Variants in SPOCK3 observed in about 807,000 individuals in gnomAD.
SPOCK3 encodes SPARC (osteonectin), cwcv and kazal like domains proteoglycan 3.
A neutral mutation model predicts 56.6 loss-of-function variants in SPOCK3; 30 were observed. The observed-to-expected ratio is 0.53, with a 90% CI of 0.40 to 0.72. The LOEUF (loss-of-function observed/expected upper bound fraction) is 0.72. Among genes scored for constraint, SPOCK3 ranks in the 30% least tolerant of loss-of-function variants. The pLI is 0.00. For missense variants in SPOCK3, 527 were observed against 530.0 expected (o/e 0.99, Z 0.06); for synonymous variants, 196 against 183.3 (o/e 1.07, Z -0.56).
At chr4:166,809,145 A>T (rs995841933) in intron 6 of SPOCK3, among the ~76,000 whole-genome samples, 1 of 152,034 alleles carries the variant, frequency 6.6e-6, no homozygotes, top group Non-Finnish European at 1.5e-5. Context: ...AAAATAAATA[A>T]GTGGATATTA....
Position 167,121,008 on chromosome 4 carries a change from C to A in SPOCK3, c.190-58471G>T, listed in dbSNP as rs1052190219. Among the ~76,000 whole-genome samples the A allele has an allele frequency of 8.6e-5, 13 of 151,876 alleles. No individual in the cohort carries two copies. The East Asian group carries it at 2.5e-3, about 30-fold the overall frequency. On this transcript the variant is annotated intron_variant, in intron 2 of 10. Coordinates refer to ENST00000357545, the MANE Select transcript of SPOCK3 (RefSeq NM_001040159.2). ...CTAACTCCACTGGATTACTAGTACT[C>A]CTTATCATTCAGTGGATTTTGATAG...
chr4:166,895,619 AAATT>A (rs1419786956), intron 5 of SPOCK3, among the ~76,000 whole-genome samples: 9 of 152,338 alleles, frequency 5.9e-5, no homozygotes, highest in Middle Eastern at 3.4e-3. Context: ...TTACATAACT[AAATT>A]GTTACATTAA....
intron 2 of SPOCK3, among the ~76,000 whole-genome samples, chr4:167,180,212 G>A (rs185075362): frequency 6.6e-6 from 1 of 152,202 alleles, no homozygotes; most frequent in Non-Finnish European, 1.5e-5. Context: ...ACCACTCAGG[G>A]TCTTAAAAAA....
chr4:167,013,974 G>A (rs1451545937), intron 3 of SPOCK3, among the ~76,000 whole-genome samples: 6 of 152,156 alleles, frequency 3.9e-5, no homozygotes, highest in Non-Finnish European at 1.5e-5. Context: ...TTGAAAAGAT[G>A]TGTATGTAAC....
rs199748178 is a variant in SPOCK3, at chr4:167,125,204, T to TG, written c.190-62668_190-62667insC. On this transcript the variant is annotated intron_variant, in intron 2 of 10. Transcript: ENST00000357545. ...AGCACAGAGATTTTTTATTTATTTA[T>TG]TTATTTATTTATTTATTTATTTATT... Among the ~76,000 whole-genome samples the TG allele has an allele frequency of 5.2e-3, 770 of 147,456 alleles. 1 individual carries two copies. The highest frequency in any genetic ancestry group is 0.02 in the South Asian group (96 of 4,778).
intron 7 of SPOCK3, among the ~76,000 whole-genome samples, chr4:166,771,382 T>A (rs1738910125): frequency 6.6e-6 from 1 of 152,074 alleles, no homozygotes; most frequent in Non-Finnish European, 1.5e-5. Context: ...TATCTTTGAA[T>A]TTCAAGGTAA....
chr4:166,909,991 G>C (rs1380792028), intron 5 of SPOCK3, among the ~76,000 whole-genome samples: 3 of 151,870 alleles, frequency 2.0e-5, no homozygotes, highest in African/African-American at 4.8e-5. Flanking sequence ...TCTTATGAGG[G>C]GGGAACAAAA....
chr4:167,196,543 T>C (rs72701406), intron 2 of SPOCK3, among the ~76,000 whole-genome samples: 9,392 of 152,144 alleles, frequency 0.062, 308 homozygotes, highest in Admixed American at 0.086. Flanking sequence ...TAGAGTGCCT[T>C]ACTGAATTTA....
intron 4 of SPOCK3, among the ~76,000 whole-genome samples, chr4:166,924,017 G>A (rs1364455480): frequency 6.6e-6 from 1 of 152,176 alleles, no homozygotes; most frequent in Non-Finnish European, 1.5e-5. Flanking sequence ...AAAGCTGAAA[G>A]AAAGTAGTGG....
At chr4:167,159,592 G>T (rs571468584) in intron 2 of SPOCK3, among the ~76,000 whole-genome samples, 2 of 152,128 alleles carry the variant, frequency 1.3e-5, no homozygotes, top group South Asian at 2.1e-4. Flanking sequence ...AACCAAAAAA[G>T]AGAATTTTAG....
At chr4:167,051,462 A>G (rs1013987618) in intron 3 of SPOCK3, among the ~76,000 whole-genome samples, 6 of 152,194 alleles carry the variant, frequency 3.9e-5, no homozygotes, top group Admixed American at 2.6e-4. Flanking sequence ...CAGCTTTATT[A>G]AAGATACTTT....
chr4:166,916,423 A>G (rs961089344), intron 4 of SPOCK3, among the ~76,000 whole-genome samples: 7 of 152,148 alleles, frequency 4.6e-5, no homozygotes, highest in East Asian at 1.9e-4. Context: ...CTAGTCTTCA[A>G]TATGTCTCTA....
intron 2 of SPOCK3, among the ~76,000 whole-genome samples, chr4:167,195,236 C>A (rs1270638442): frequency 2.6e-5 from 4 of 152,160 alleles, no homozygotes; most frequent in African/African-American, 9.7e-5. Context: ...GGAGCTGGAG[C>A]CAAAGTACAG....
At chr4:166,815,079 C>T (rs1238656628) in intron 6 of SPOCK3, among the ~76,000 whole-genome samples, 5 of 151,650 alleles carry the variant, frequency 3.3e-5, no homozygotes, top group African/African-American at 9.7e-5. Context: ...TTTGAAGTTC[C>T]CTTGTGTATG....
chr4:166,869,247 G>T (rs192811894), intron 6 of SPOCK3, among the ~76,000 whole-genome samples: 2 of 151,310 alleles, frequency 1.3e-5, no homozygotes, highest in African/African-American at 2.4e-5. Context: ...GGTCTTTTCA[G>T]TTCAAGCAAT....
chr4:167,195,627 G>A (rs377693042), intron 2 of SPOCK3, among the ~76,000 whole-genome samples: 7 of 152,302 alleles, frequency 4.6e-5, no homozygotes, highest in African/African-American at 1.2e-4. Context: ...ACCAAGGTCA[G>A]CAGGCCTATT....
chr4:167,031,918 T>C (rs1430085880), intron 3 of SPOCK3, among the ~76,000 whole-genome samples: 1 of 152,034 alleles, frequency 6.6e-6, no homozygotes, highest in African/African-American at 2.4e-5. Flanking sequence ...GGTAGCAATG[T>C]TATTAATTCC....
intron 4 of SPOCK3, among the ~76,000 whole-genome samples, chr4:166,924,482 A>G (rs1319635760): frequency 6.6e-6 from 1 of 152,196 alleles, no homozygotes; most frequent in Non-Finnish European, 1.5e-5. Flanking sequence ...GATCCATTTA[A>G]TCTACGAACT....
At chr4:166,847,876 G>A (rs753231412) in intron 6 of SPOCK3, among the ~76,000 whole-genome samples, 3 of 151,706 alleles carry the variant, frequency 2.0e-5, no homozygotes, top group Non-Finnish European at 4.4e-5. Flanking sequence ...TGTCAAGCAC[G>A]TAATAATTCA....
Sources: gnomAD v4.1 joint callset for allele counts (sites outside exome capture counted in the v4.1 genomes callset) on GRCh38, gnomAD v4.1.1 for gene constraint, MANE v1.5 for transcripts, NCBI Gene and HGNC (gene_info 2026-07-23, HGNC 2026-07-21) for gene names.